PXDNL: variants seen among roughly 807,000 people sequenced by gnomAD.
The protein encoded by PXDNL is peroxidasin like, also known as probable oxidoreductase PXDNL.
PXDNL carries 145 observed loss-of-function variants against 150.8 expected under a neutral mutation model. That is an observed-to-expected ratio of 0.96 (90% CI 0.84 to 1.10). The LOEUF (loss-of-function observed/expected upper bound fraction) is 1.10, where lower values mean the gene tolerates loss of function less well. Among genes scored for constraint, PXDNL ranks in the 50% least tolerant of loss-of-function variants. The pLI is 0.00. For missense variants in PXDNL, 2,087 were observed against 1,873.9 expected (o/e 1.11, Z -2.10); for synonymous variants, 757 against 725.7 (o/e 1.04, Z -0.69).
At chr8:51,770,607 T>G (rs1414903177) in intron 1 of PXDNL, among the ~76,000 whole-genome samples, 1 of 152,216 alleles carries the variant, frequency 6.6e-6, no homozygotes, top group African/African-American at 2.4e-5. Context: ...TTGATCAGAA[T>G]GCACAGGCCT....
chr8:51,726,285 C>T (rs933292413), intron 1 of PXDNL, among the ~76,000 whole-genome samples: 5 of 152,320 alleles, frequency 3.3e-5, no homozygotes, highest in Middle Eastern at 3.4e-3. Context: ...CACCCATGGG[C>T]CCAAAGTCCC....
At chr8:51,496,125 C>G (rs1206359462) in intron 5 of PXDNL, among the ~76,000 whole-genome samples, 4 of 152,128 alleles carry the variant, frequency 2.6e-5, no homozygotes, top group Non-Finnish European at 5.9e-5. Flanking sequence ...GCTGGTTCAA[C>G]ATATGGAAAT....
chr8:51,570,362 GTTCGTC>G (rs1228900644), intron 3 of PXDNL, among the ~76,000 whole-genome samples: 3 of 151,818 alleles, frequency 2.0e-5, no homozygotes, highest in Non-Finnish European at 2.9e-5. Context: ...GAGCCATTAG[GTTCGTC>G]TTAGTCAGCA....
chr8:51,359,969 T>C (rs1806662676), intron 19 of PXDNL, among the ~76,000 whole-genome samples: 1 of 151,936 alleles, frequency 6.6e-6, no homozygotes, highest in South Asian at 2.1e-4. Context: ...CAAAATGCCA[T>C]TTGTAGAATA....
chr8:51,690,536 A>G (rs9720544), intron 1 of PXDNL, among the ~76,000 whole-genome samples: 9,831 of 152,040 alleles, frequency 0.065, 397 homozygotes, highest in African/African-American at 0.12. Flanking sequence ...TCCATGGTGT[A>G]TATGTGCCAC....
chr8:51,374,402 A>G (rs1807233367), intron 18 of PXDNL, among the ~76,000 whole-genome samples, 195 bp downstream of exon 18: 1 of 152,220 alleles, frequency 6.6e-6, no homozygotes. Flanking sequence ...TTCTCTTCTT[A>G]CAAAGATTTA....
At chr8:51,436,421 C>T in intron 12 of PXDNL, 1 of 390,906 alleles carries the variant, frequency 2.6e-6, no homozygotes, top group South Asian at 2.2e-5. Flanking sequence ...AGATCCATCA[C>T]ACCTGCAAAA....
intron 1 of PXDNL, among the ~76,000 whole-genome samples, chr8:51,708,597 A>C (rs905988540): frequency 6.6e-6 from 1 of 152,208 alleles, no homozygotes; most frequent in Admixed American, 6.5e-5. Context: ...GAACACAGAT[A>C]TAAAAATCAG....
intron 2 of PXDNL, among the ~76,000 whole-genome samples, chr8:51,644,287 A>G (rs1293174552): frequency 7.4e-6 from 1 of 135,774 alleles, no homozygotes; most frequent in African/African-American, 2.5e-5. Context: ...GATCAGGGCA[A>G]ATATATAAAC....
intron 6 of PXDNL, among the ~76,000 whole-genome samples, chr8:51,482,892 C>G (rs549121109): frequency 1.3e-5 from 2 of 152,264 alleles, no homozygotes; most frequent in African/African-American, 4.8e-5. Context: ...ACTAATACAG[C>G]CTCCAAGGCC....
At chr8:51,694,178 T>C (rs2130867308) in intron 1 of PXDNL, among the ~76,000 whole-genome samples, 1 of 152,218 alleles carries the variant, frequency 6.6e-6, no homozygotes, top group South Asian at 2.1e-4. Context: ...GCCAAAATGG[T>C]GAAACCCTGT....
At chr8:51,775,456 C>T (rs1161207189) in intron 1 of PXDNL, among the ~76,000 whole-genome samples, 1 of 152,156 alleles carries the variant, frequency 6.6e-6, no homozygotes, top group South Asian at 2.1e-4. Context: ...ATCAGTGTCA[C>T]CCTGTGTTGC....
intron 2 of PXDNL, among the ~76,000 whole-genome samples, chr8:51,612,699 G>C (rs577161712): frequency 6.6e-6 from 1 of 152,200 alleles, no homozygotes; most frequent in African/African-American, 2.4e-5. Flanking sequence ...GAGGACACAG[G>C]GAGAAGTTGG....
intron 5 of PXDNL, among the ~76,000 whole-genome samples, chr8:51,493,659 T>A (rs1810957980): frequency 2.6e-5 from 4 of 152,116 alleles, no homozygotes; most frequent in Admixed American, 2.0e-4. Context: ...GCCGATTTGA[T>A]CATGTGGAAG....
At chr8:51,324,328 T>G (rs1054847963) in intron 21 of PXDNL, among the ~76,000 whole-genome samples, 1 of 149,972 alleles carries the variant, frequency 6.7e-6, no homozygotes, top group African/African-American at 2.5e-5. Flanking sequence ...ATAAGAGTGG[T>G]GAGAATGGAC....
At chr8:51,785,929 G>C (rs1393605745) in intron 1 of PXDNL, among the ~76,000 whole-genome samples, 4 of 152,206 alleles carry the variant, frequency 2.6e-5, no homozygotes, top group Non-Finnish European at 5.9e-5. Flanking sequence ...CCTTAGACCA[G>C]AGCAAAGCCC....
At chr8:51,322,101 C>T (rs1349850778) in intron 21 of PXDNL, among the ~76,000 whole-genome samples, 2 of 152,148 alleles carry the variant, frequency 1.3e-5, no homozygotes, top group Non-Finnish European at 2.9e-5. Flanking sequence ...ATCAGCAAGC[C>T]AAGGCGTGAG....
chr8:51,493,425 T>C (rs1369311932), intron 5 of PXDNL, among the ~76,000 whole-genome samples: 1 of 152,114 alleles, frequency 6.6e-6, no homozygotes, highest in Non-Finnish European at 1.5e-5. Context: ...GGAACAAAGC[T>C]GGAAGGAGAA....
chr8:51,546,866 T>C (rs913393402), intron 4 of PXDNL, among the ~76,000 whole-genome samples: 1 of 152,122 alleles, frequency 6.6e-6, no homozygotes, highest in Non-Finnish European at 1.5e-5. Context: ...GTAAGGCCTG[T>C]CACTGCTGGC....
Sources: gnomAD v4.1 joint callset for allele counts (sites outside exome capture counted in the v4.1 genomes callset) on GRCh38, gnomAD v4.1.1 for gene constraint, MANE v1.5 for transcripts, NCBI Gene and HGNC (gene_info 2026-07-23, HGNC 2026-07-21) for gene names.